NFATC3: variants seen among roughly 807,000 people sequenced by gnomAD.
NFATC3 encodes the protein nuclear factor of activated T cells 3, also known as nuclear factor of activated T-cells, cytoplasmic 3.
Under a neutral mutation model 98.6 loss-of-function variants are expected in NFATC3, and 46 were observed. The ratio of observed to expected loss-of-function variants is 0.47; its 90% CI spans 0.37 to 0.60. NFATC3 has a LOEUF of 0.60. Ranked by LOEUF, NFATC3 falls within the 20% of genes least tolerant of loss-of-function variation. The probability of loss-of-function intolerance (pLI) is 0.00; values close to 1 mark genes in which losing one functional copy is unlikely to be tolerated. For missense variants in NFATC3, 1,256 were observed against 1,295.5 expected (o/e 0.97, Z 0.47); for synonymous variants, 512 against 472.2 (o/e 1.08, Z -1.09).
At chr16:68,199,327 C>T (rs1453441997) in intron 9 of NFATC3, among the ~76,000 whole-genome samples, 2 of 148,764 alleles carry the variant, frequency 1.3e-5, no homozygotes, top group Non-Finnish European at 3.0e-5. Flanking sequence ...GGGTTCACGC[C>T]ATTCTCCTGC....
intron 9 of NFATC3, among the ~76,000 whole-genome samples, chr16:68,194,742 A>C (rs2040588406): frequency 6.6e-6 from 1 of 152,132 alleles, no homozygotes; most frequent in Admixed American, 6.6e-5. Context: ...CAAAGCTAGA[A>C]CCTGCTCTTT....
intron 1 of NFATC3, among the ~76,000 whole-genome samples, chr16:68,106,501 A>G (rs1327714682): frequency 1.3e-5 from 2 of 152,008 alleles, no homozygotes; most frequent in Non-Finnish European, 2.9e-5. Context: ...CCTGTTGTCC[A>G]GGCTGGTCTC....
intron 1 of NFATC3, among the ~76,000 whole-genome samples, chr16:68,100,608 A>T (rs149748942): frequency 5.7e-4 from 86 of 152,006 alleles, no homozygotes; most frequent in African/African-American, 1.9e-3. Context: ...AAAAAAACCA[A>T]ACCTGCCAAA....
At chr16:68,153,652 C>T (rs551897509) in intron 3 of NFATC3, among the ~76,000 whole-genome samples, 6 of 152,166 alleles carry the variant, frequency 3.9e-5, no homozygotes, top group South Asian at 2.1e-4. Context: ...CTCGCTCTGT[C>T]GCCCAAGCTG....
intron 3 of NFATC3, among the ~76,000 whole-genome samples, chr16:68,152,491 G>A (rs1396195006): frequency 6.6e-6 from 1 of 151,912 alleles, no homozygotes; most frequent in Non-Finnish European, 1.5e-5. Flanking sequence ...GCTTTTATAG[G>A]CCAAAATGGG....
Position 68,205,967 on chromosome 16 carries a change from G to A in NFATC3, c.3106+14192G>A, listed in dbSNP as rs951769054. Among the ~76,000 whole-genome samples, 5 of 150,676 alleles carry A rather than the reference G, an allele frequency of 3.3e-5. No homozygotes were observed. The Middle Eastern group carries it at 0.01, about 310-fold the overall frequency. On this transcript the variant is annotated intron_variant, in intron 9 of 9. Transcript: ENST00000346183. Reference sequence around the variant, plus strand: ...GGCTGGAGTACAGTGGCACCATCTCGGCTCACTGCAACCCCCACCTCCCAA... The same window carrying A: ...GGCTGGAGTACAGTGGCACCATCTCAGCTCACTGCAACCCCCACCTCCCAA...
intron 3 of NFATC3, among the ~76,000 whole-genome samples, chr16:68,137,156 T>A (rs1341397522): frequency 6.6e-6 from 1 of 152,238 alleles, no homozygotes; most frequent in African/African-American, 2.4e-5. Flanking sequence ...AAATCTTTTG[T>A]CTTTTGTAGT....
chr16:68,126,430 T>C lies in NFATC3; in HGVS notation c.1239-18T>C. 1.3e-6 allele frequency: 2 copies of C among 1,597,398 alleles called. No individual in the cohort carries two copies. The highest frequency in any genetic ancestry group is 1.7e-6 in the Non-Finnish European group (2 of 1,167,988). On this transcript the variant is annotated intron_variant, in intron 2 of 9. Coordinates refer to ENST00000346183, the MANE Select transcript of NFATC3 (RefSeq NM_173165.3). ...ATAATAGCATGGTGACATGCATCTT[T>C]GTGTGTTTTGTTTGTAGCACATCTT...
At chr16:68,112,738 A>C (rs2036043669) in intron 1 of NFATC3, among the ~76,000 whole-genome samples, 1 of 139,050 alleles carries the variant, frequency 7.2e-6, no homozygotes, top group African/African-American at 2.7e-5. Flanking sequence ...GGCTCACTGC[A>C]AGCTCCGCTT....
At chr16:68,184,188 T>G (rs2040070661) in intron 8 of NFATC3, among the ~76,000 whole-genome samples, 1 of 152,088 alleles carries the variant, frequency 6.6e-6, no homozygotes, top group African/African-American at 2.4e-5. Context: ...AGAAGGTGAT[T>G]CAAACACCAA....
In NFATC3 at chr16:68,122,398, C is replaced by G. The variant is rs747017040; in HGVS notation, c.515C>G (p.Ser172Cys). The G allele has an allele frequency of 2.5e-6, 4 of 1,614,128 alleles. No homozygotes were observed. ...CCTAGTCCTGCCAGCAGCATCTCTT[C>G]TAGGAGTTGGTTCTCTGATGCATCT... ...LSPSPASSIS[S>C]RSWFSDASSC... The change falls in exon 2 of 10, where the codon TCT (serine) becomes TGT (cysteine). Residue 172 changes from serine (S) to cysteine (C), a missense_variant. Around this residue, in one of 3 missense-constraint regions of NFATC3, gnomAD observed 464 missense variants for 465.7 expected, o/e 1.00. Coordinates refer to ENST00000346183, the MANE Select transcript of NFATC3 (RefSeq NM_173165.3).
intron 7 of NFATC3, among the ~76,000 whole-genome samples, chr16:68,182,542 A>T (rs1803013005): frequency 6.6e-6 from 1 of 152,152 alleles, no homozygotes; most frequent in Non-Finnish European, 1.5e-5. Context: ...TTATTTTTAG[A>T]TGGAGTCTAG....
chr16:68,222,007 C>T (rs1356344150), intron 9 of NFATC3, among the ~76,000 whole-genome samples: 3 of 151,826 alleles, frequency 2.0e-5, no homozygotes, highest in Non-Finnish European at 2.9e-5. Context: ...AACAACACCT[C>T]GGCTGGGTGC....
intron 1 of NFATC3, among the ~76,000 whole-genome samples, chr16:68,091,541 G>C (rs915859858): frequency 3.9e-5 from 6 of 152,150 alleles, no homozygotes; most frequent in Non-Finnish European, 1.5e-5. Context: ...CCTTTTAAGA[G>C]AAGTTAATGA....
intron 1 of NFATC3, among the ~76,000 whole-genome samples, chr16:68,087,642 T>G (rs921416057): frequency 2.0e-5 from 3 of 152,238 alleles, no homozygotes; most frequent in African/African-American, 7.2e-5. Context: ...TGCTTCTGTC[T>G]ACTTCTAAAA....
intron 3 of NFATC3, among the ~76,000 whole-genome samples, chr16:68,143,095 C>T (rs954904687): frequency 6.6e-6 from 1 of 151,286 alleles, no homozygotes; most frequent in African/African-American, 2.4e-5. Flanking sequence ...AAAATTTAAC[C>T]AGGCATGGTG....
At chr16:68,091,346 A>G (rs547291535) in intron 1 of NFATC3, among the ~76,000 whole-genome samples, 10 of 152,228 alleles carry the variant, frequency 6.6e-5, no homozygotes, top group Non-Finnish European at 1.5e-4. Context: ...TTTCTTTGGC[A>G]ACCAGTAAAC....
At chr16:68,107,463 C>G (rs1241199777) in intron 1 of NFATC3, among the ~76,000 whole-genome samples, 1 of 152,168 alleles carries the variant, frequency 6.6e-6, no homozygotes, top group African/African-American at 2.4e-5. Context: ...TGGCTTACGC[C>G]TGTAATCCCA....
At chr16:68,111,072 A>G (rs915415885) in intron 1 of NFATC3, among the ~76,000 whole-genome samples, 1 of 152,230 alleles carries the variant, frequency 6.6e-6, no homozygotes, top group Non-Finnish European at 1.5e-5. Flanking sequence ...ACTTCCAAGT[A>G]TGTGATCGAA....
Sources: gnomAD v4.1 joint callset for allele counts (sites outside exome capture counted in the v4.1 genomes callset) on GRCh38, gnomAD v4.1.1 for gene constraint, gnomAD v4.1.1 regional missense constraint, MANE v1.5 for transcripts, NCBI Gene and HGNC (gene_info 2026-07-23, HGNC 2026-07-21) for gene names.